The following DZIP1 variants were observed in gnomAD, a reference collection of about 807,000 sequenced individuals.
The protein encoded by DZIP1 is DAZ interacting zinc finger protein 1.
Under a neutral mutation model 107.6 loss-of-function variants are expected in DZIP1, and 97 were observed. The ratio of observed to expected loss-of-function variants is 0.90; its 90% CI spans 0.77 to 1.07. The LOEUF (loss-of-function observed/expected upper bound fraction) is 1.07. Among genes scored for constraint, DZIP1 ranks in the 50% least tolerant of loss-of-function variants. The pLI is 0.00. For synonymous variants in DZIP1, 390 were observed against 386.4 expected, an observed-to-expected ratio of 1.01 and a Z score of -0.11; for missense variants, 1,035 against 1,063.6, an observed-to-expected ratio of 0.97 and a Z score of 0.37.
At chr13:95,599,948 A>G (rs1461434142) in intron 14 of DZIP1, among the ~76,000 whole-genome samples, 2 of 152,202 alleles carry the variant, frequency 1.3e-5, no homozygotes, top group African/African-American at 4.8e-5. Flanking sequence ...CCATTCTTCG[A>G]CACCTGCATG....
Position 95,642,112 on chromosome 13 carries a change from G to T in DZIP1, c.-83C>A. 7.0e-7 allele frequency: 1 copy of T among 1,419,846 alleles called. No homozygotes were observed. Among genetic ancestry groups the T allele is most frequent in the Non-Finnish European group, 9.2e-7 (1 of 1,091,198 alleles). The allele number at this position is 1,419,846 out of a possible 1,614,324, so 88.0% of individuals were successfully genotyped here. A position where few individuals can be genotyped will look rare whatever the true frequency, so the allele number is the denominator to read the frequency against. ...CAGCCCTCAGGAGCGGGAGAAGGCC[G>T]GGTTCCTCGCTTCCGCGGCGGCGGC... On this transcript the variant is annotated 5_prime_UTR_variant, in exon 4 of 23. Transcript: ENST00000376829.
At chr13:95,627,563 T>C (rs1357505764) in intron 7 of DZIP1, among the ~76,000 whole-genome samples, 1 of 152,102 alleles carries the variant, frequency 6.6e-6, no homozygotes, top group Non-Finnish European at 1.5e-5. Context: ...GTTAAGGAAA[T>C]ACAAATCAAA....
In DZIP1 at chr13:95,590,403, T is replaced by G; in HGVS notation, c.1719A>C (p.Val573=). The G allele has an allele frequency of 6.2e-7, 1 of 1,613,082 alleles. No homozygotes were observed. Among genetic ancestry groups the G allele is most frequent in the Non-Finnish European group, 8.5e-7 (1 of 1,179,780 alleles). ...RGISSDQLHR[V]LKSVESERHK... is the part of the protein sequence containing the mutation. ...GTCTTTCTGATTCCACACTTTTTAG[T>G]ACTCTATGCAACTGATCACTTGAAA... The change falls in exon 17 of 23, where the codon GTA becomes GTC. Residue 573 remains valine, a synonymous_variant. Transcript: ENST00000376829.
rs1013908816 is a variant in DZIP1 at position 95,637,437 on chromosome 13, G to T, written c.597+3858C>A. 2.2e-4 allele frequency among the ~76,000 whole-genome samples: 33 copies of T among 152,202 alleles called. 1 individual carries two copies. The highest frequency in any genetic ancestry group is 7.2e-4 in the African/African-American group (30 of 41,524). On this transcript the variant is annotated intron_variant, in intron 5 of 22. Transcript: ENST00000376829. ...AGGTTAAATAAGATCATAAGGCGGGGGGCCTAATCTGATAGGGTAAGTGTG... is the reference window on the plus strand; with the variant it reads ...AGGTTAAATAAGATCATAAGGCGGGTGGCCTAATCTGATAGGGTAAGTGTG...
At chr13:95,616,222 T>C (rs904612543) in intron 10 of DZIP1, among the ~76,000 whole-genome samples, 1 of 152,152 alleles carries the variant, frequency 6.6e-6, no homozygotes, top group African/African-American at 2.4e-5. Flanking sequence ...AACTACATAG[T>C]CATTGCCACG....
chr13:95,590,894 C>T (rs921566366), intron 16 of DZIP1, among the ~76,000 whole-genome samples: 1 of 152,108 alleles, frequency 6.6e-6, no homozygotes, highest in Non-Finnish European at 1.5e-5. Context: ...AGGTAAGGCA[C>T]GTCCCACAGG....
rs1187207696 is a variant in DZIP1 at position 95,642,138 on chromosome 13, G to C, written c.-109C>G. ...GGTTCCTCGCTTCCGCGGCGGCGGC[G>C]GCCTAAGGTCTGGGCGTCCAGGACG... On this transcript the variant is annotated 5_prime_UTR_variant, in exon 4 of 23. Coordinates refer to ENST00000376829, the MANE Select transcript of DZIP1 (RefSeq NM_198968.4). 6.5e-6 allele frequency: 9 copies of C among 1,377,700 alleles called. No individual in the cohort carries two copies. The highest frequency in any genetic ancestry group is 8.5e-6 in the Non-Finnish European group (9 of 1,057,686). The allele number at this position is 1,377,700 out of a possible 1,614,324, so 85.3% of individuals were successfully genotyped here.
Position 95,630,006 on chromosome 13 carries a change from C to T in DZIP1, c.793G>A (p.Ala265Thr), listed in dbSNP as rs762410644. The T allele has an allele frequency of 6.2e-7, 1 of 1,609,310 alleles. No individual in the cohort carries two copies. The highest frequency in any genetic ancestry group is 2.2e-5 in the East Asian group (1 of 44,818). ...SELEAAHHASAVRFSKEYEMQ... is the reference protein window; with the variant it reads ...SELEAAHHASTVRFSKEYEMQ... ...CCTGGTACCTTGGAGAATCTGACTGCACTGGCATGGTGTGCAGCCTCTAGC... is the reference window on the plus strand; with the variant it reads ...CCTGGTACCTTGGAGAATCTGACTGTACTGGCATGGTGTGCAGCCTCTAGC... Residue 265 changes from alanine (A) to threonine (T), a missense_variant, in exon 7 of 23, where the codon GCA becomes ACA. Ala to Thr is a moderately conservative substitution (Grantham distance 58). Coordinates refer to ENST00000376829, the MANE Select transcript of DZIP1 (RefSeq NM_198968.4).
At chr13:95,607,368 G>T (rs930243443) in intron 13 of DZIP1, among the ~76,000 whole-genome samples, 4 of 152,280 alleles carry the variant, frequency 2.6e-5, no homozygotes, top group Non-Finnish European at 5.9e-5. Flanking sequence ...CTATAGGTAT[G>T]CATTTTTTAT....
rs748158665 is a variant in DZIP1 at position 95,589,763 on chromosome 13, C to T, written c.1973+40G>A. On this transcript the variant is annotated intron_variant, in intron 18 of 22. Transcript: ENST00000376829. Reference sequence around the variant, plus strand: ...TTTGTTAAAGCAGCCTGAGCTAAGACAAACACTGATAAAATAAATCTGAGG... The same window carrying T: ...TTTGTTAAAGCAGCCTGAGCTAAGATAAACACTGATAAAATAAATCTGAGG... The T allele has an allele frequency of 2.5e-6, 4 of 1,597,426 alleles. No homozygotes were observed. In the South Asian group the frequency reaches 4.6e-5, roughly 18 times the overall value.
chr13:95,613,257 A>T (rs1330445471), intron 10 of DZIP1, among the ~76,000 whole-genome samples: 1 of 152,236 alleles, frequency 6.6e-6, no homozygotes. Flanking sequence ...TCGTGCATGT[A>T]ATCCCAGCAC....
At chr13:95,596,632 C>G (rs960049047) in intron 15 of DZIP1, among the ~76,000 whole-genome samples, 1 of 152,182 alleles carries the variant, frequency 6.6e-6, no homozygotes, top group Non-Finnish European at 1.5e-5. Context: ...ACTCAACAAC[C>G]TGAAGCAGGC....
intron 7 of DZIP1, 103 bp from the exon 8 acceptor site, chr13:95,625,032 A>G (rs1876364815): frequency 9.7e-7 from 1 of 1,028,674 alleles, no homozygotes; most frequent in African/African-American, 1.6e-5. Context: ...GTTAGCTAGT[A>G]TTGCTTATTT....
chr13:95,617,959 T>C (rs566357916), intron 10 of DZIP1: 9 of 518,860 alleles, frequency 1.7e-5, no homozygotes, highest in Non-Finnish European at 3.1e-5. Context: ...GGAACGAGGG[T>C]GCCATTTGCC....
Position 95,580,249 on chromosome 13 carries a change from A to G in DZIP1, c.*1985T>C, listed in dbSNP as rs1469857934. 6.6e-6 allele frequency: 1 copy of G among 151,476 alleles called. No homozygotes were observed. The highest frequency in any genetic ancestry group is 2.4e-5 in the African/African-American group (1 of 41,086). The allele number at this position is 151,476 out of a possible 1,614,324, so 9.4% of individuals were successfully genotyped here. A position where few individuals can be genotyped will look rare whatever the true frequency, so the allele number is the denominator to read the frequency against. ...CTACTTGGGAGGCTGAGGCAGGAAA[A>G]TCGCTTGAATCTGGGAGGCGGAGGT... On this transcript the variant is annotated 3_prime_UTR_variant, in exon 23 of 23. Coordinates refer to ENST00000376829, the MANE Select transcript of DZIP1 (RefSeq NM_198968.4).
intron 18 of DZIP1, among the ~76,000 whole-genome samples, chr13:95,589,512 A>T (rs1344757120): frequency 1.3e-5 from 2 of 152,170 alleles, no homozygotes; most frequent in Non-Finnish European, 2.9e-5. Flanking sequence ...AGATGAGGTC[A>T]TGTGGATGGG....
At chr13:95,620,752 C>G (rs1222493151) in intron 9 of DZIP1, among the ~76,000 whole-genome samples, 1 of 152,202 alleles carries the variant, frequency 6.6e-6, no homozygotes, top group African/African-American at 2.4e-5. Context: ...AAAGGAAACA[C>G]CAAGGTTTCT....
At chr13:95,620,864 G>A (rs1875742985) in intron 9 of DZIP1, among the ~76,000 whole-genome samples, 1 of 152,188 alleles carries the variant, frequency 6.6e-6, no homozygotes, top group Non-Finnish European at 1.5e-5. Context: ...CAGTTCATGA[G>A]CGACCAGCTG....
chr13:95,591,059 C>T (rs1274640192), intron 16 of DZIP1, among the ~76,000 whole-genome samples: 4 of 147,100 alleles, frequency 2.7e-5, no homozygotes, highest in Admixed American at 2.0e-4. Flanking sequence ...GACAGAGTCT[C>T]GCCCTGTTGC....
Sources: allele counts gnomAD v4.1 joint callset (sites outside exome capture counted in the v4.1 genomes callset), GRCh38; gene constraint gnomAD v4.1.1; transcripts MANE v1.5; gene names NCBI Gene and HGNC (gene_info 2026-07-23, HGNC 2026-07-21).